FAM186A: variants seen among roughly 807,000 people sequenced by gnomAD.
The protein encoded by FAM186A is protein FAM186A.
FAM186A carries 163 observed loss-of-function variants against 216.8 expected under a neutral mutation model. The ratio of observed to expected loss-of-function variants is 0.75; its 90% CI spans 0.66 to 0.86. The LOEUF (loss-of-function observed/expected upper bound fraction) is 0.86. Ranked by LOEUF, FAM186A falls within the 40% of genes least tolerant of loss-of-function variation. The pLI is 0.00. For missense variants in FAM186A, 2,184 were observed against 2,746.2 expected (o/e 0.80, Z 4.58); for synonymous variants, 805 against 1,025.3 (o/e 0.79, Z 4.10).
At chr12:50,375,146 C>G (rs1373175715) in intron 1 of FAM186A, among the ~76,000 whole-genome samples, 1 of 152,036 alleles carries the variant, frequency 6.6e-6, no homozygotes, top group Non-Finnish European at 1.5e-5. Flanking sequence ...TCTCTGCACT[C>G]CAGCCTGGGC....
chr12:50,388,694 T>C (rs1208333686), intron 1 of FAM186A, among the ~76,000 whole-genome samples: 1 of 151,980 alleles, frequency 6.6e-6, no homozygotes, highest in Non-Finnish European at 1.5e-5. Context: ...AAAGGATTAA[T>C]GAGAACAATT....
intron 1 of FAM186A, among the ~76,000 whole-genome samples, chr12:50,385,965 TG>T (rs1487042643): frequency 2.0e-5 from 3 of 151,720 alleles, no homozygotes; most frequent in Admixed American, 2.0e-4. Context: ...TAGCAGAGGC[TG>T]GGGATGGGCA....
In FAM186A at chr12:50,341,032, G is replaced by A. The variant is rs111535685; in HGVS notation, c.6504-6929C>T. 9.9e-3 allele frequency among the ~76,000 whole-genome samples: 1,510 copies of A among 152,098 alleles called. 29 individuals carry two copies. Among genetic ancestry groups the A allele is most frequent in the African/African-American group, 0.034 (1,409 of 41,504 alleles). ...GGCTGTTCTCAAACTCCTGACCTCA[G>A]GTGATCTGCCTGCCTTGGCCTCCCA... On this transcript the variant is annotated intron_variant, in intron 4 of 7. Transcript: ENST00000327337.
chr12:50,368,849 C>A (rs1943114630), intron 1 of FAM186A, among the ~76,000 whole-genome samples: 1 of 151,582 alleles, frequency 6.6e-6, no homozygotes, highest in South Asian at 2.1e-4. Context: ...GAATAGAGAG[C>A]CCATAAATAA....
chr12:50,329,880 G>A (rs1942639933), intron 7 of FAM186A, among the ~76,000 whole-genome samples: 1 of 152,182 alleles, frequency 6.6e-6, no homozygotes, highest in South Asian at 2.1e-4. Context: ...ACAGGCATGA[G>A]CCACCACACC....
intron 4 of FAM186A, among the ~76,000 whole-genome samples, chr12:50,337,624 G>A (rs937375474): frequency 3.3e-5 from 5 of 151,538 alleles, no homozygotes; most frequent in Admixed American, 6.6e-5. Flanking sequence ...AAGGCCGGGC[G>A]CGGCGGCTCA....
intron 7 of FAM186A, among the ~76,000 whole-genome samples, chr12:50,328,363 G>T (rs550937949): frequency 6.6e-6 from 1 of 151,992 alleles, no homozygotes; most frequent in African/African-American, 2.4e-5. Context: ...GACAGAGCAC[G>T]ACCACGTCTC....
At chr12:50,371,123 T>C (rs1943138878) in intron 1 of FAM186A, among the ~76,000 whole-genome samples, 1 of 151,488 alleles carries the variant, frequency 6.6e-6, no homozygotes, top group Non-Finnish European at 1.5e-5. Context: ...TAATTCAATT[T>C]AATTTTTTTT....
Position 50,331,713 on chromosome 12 carries a change from G to C in FAM186A, c.6805C>G (p.Leu2269Val). Reference protein sequence around the residue: ...TFVQKPFLKLLMEEDRTSDIC... With the variant: ...TFVQKPFLKLVMEEDRTSDIC... ...TCAGAGGTTCTGTCCTCTTCCATTA[G>C]TAATTTTAAGAATGGCTTTTGAACA... Residue 2269 changes from leucine to valine, a missense_variant, in exon 6 of 8, where the codon CTA becomes GTA. Coordinates refer to ENST00000327337, the MANE Select transcript of FAM186A (RefSeq NM_001145475.3). 6.5e-7 allele frequency: 1 copy of C among 1,547,468 alleles called. No individual in the cohort carries two copies. The highest frequency in any genetic ancestry group is 1.2e-5 in the South Asian group (1 of 82,642).
intron 4 of FAM186A, among the ~76,000 whole-genome samples, chr12:50,344,740 G>A (rs1049393753): frequency 2.9e-4 from 44 of 152,306 alleles, no homozygotes; most frequent in African/African-American, 9.4e-4. Flanking sequence ...GCTGGGGCAG[G>A]AGGATAACTT....
chr12:50,381,969 C>T (rs1469382888), intron 1 of FAM186A, among the ~76,000 whole-genome samples: 1 of 151,628 alleles, frequency 6.6e-6, no homozygotes, highest in Non-Finnish European at 1.5e-5. Flanking sequence ...GGTCAAAGGG[C>T]ACCAAATATG....
At chr12:50,375,983 C>G (rs1013077652) in intron 1 of FAM186A, among the ~76,000 whole-genome samples, 11 of 152,150 alleles carry the variant, frequency 7.2e-5, no homozygotes, top group Admixed American at 4.6e-4. Flanking sequence ...AGTGCAGGGT[C>G]TGGCCACTGT....
intron 1 of FAM186A, among the ~76,000 whole-genome samples, chr12:50,384,806 G>A (rs1364498170): frequency 6.6e-6 from 1 of 152,050 alleles, no homozygotes; most frequent in Non-Finnish European, 1.5e-5. Flanking sequence ...AAATGGATTA[G>A]AGTTTTTGTT....
intron 4 of FAM186A, 150 bp downstream of exon 4, chr12:50,350,179 C>T: frequency 1.4e-6 from 1 of 691,448 alleles, no homozygotes. Flanking sequence ...CTTTTGCTAT[C>T]TTAAACAAGC....
At chr12:50,337,107 G>T (rs1942716160) in intron 4 of FAM186A, among the ~76,000 whole-genome samples, 1 of 151,062 alleles carries the variant, frequency 6.6e-6, no homozygotes, top group Non-Finnish European at 1.5e-5. Context: ...AAACATATTA[G>T]ATTTTTTAAT....
intron 4 of FAM186A, among the ~76,000 whole-genome samples, chr12:50,347,373 T>C (rs927655577): frequency 6.6e-6 from 1 of 152,020 alleles, no homozygotes; most frequent in East Asian, 1.9e-4. Flanking sequence ...CCTCAAAGAC[T>C]CAGCATCATA....
At chr12:50,361,038 G>GA (rs1420563507) in intron 2 of FAM186A, 112 bp from the exon 3 acceptor site, 2 of 728,192 alleles carry the variant, frequency 2.7e-6, no homozygotes, top group Non-Finnish European at 4.1e-6. Context: ...GGGAATATAG[G>GA]TATCTCACAC....
chr12:50,349,218 T>C (rs1361491778), intron 4 of FAM186A, among the ~76,000 whole-genome samples: 1 of 151,696 alleles, frequency 6.6e-6, no homozygotes, highest in Non-Finnish European at 1.5e-5. Flanking sequence ...TCCTTCTCTT[T>C]TTTTTTTCCC....
chr12:50,334,169 C>A, intron 4 of FAM186A, 66 bp from the exon 5 acceptor site: 2 of 1,294,138 alleles, frequency 1.5e-6, no homozygotes, highest in Non-Finnish European at 2.1e-6. Flanking sequence ...AACTTGTCCT[C>A]AGTTTCTTTT....
Sources: allele counts gnomAD v4.1 joint callset (sites outside exome capture counted in the v4.1 genomes callset), GRCh38; gene constraint gnomAD v4.1.1; transcripts MANE v1.5; gene names NCBI Gene and HGNC (gene_info 2026-07-23, HGNC 2026-07-21).